The following PTRH1 variants were observed in gnomAD, a reference collection of about 807,000 sequenced individuals.
PTRH1 encodes the protein peptidyl-tRNA hydrolase.
In PTRH1, 13 loss-of-function variants were observed where a neutral mutation model predicts 15.7. That is an observed-to-expected ratio of 0.83 (90% CI 0.54 to 1.31). The LOEUF (loss-of-function observed/expected upper bound fraction) is 1.31. PTRH1 is among the 40% of genes most tolerant of loss of function. The probability of loss-of-function intolerance (pLI) is 0.00; values close to 1 mark genes in which losing one functional copy is unlikely to be tolerated. For missense variants in PTRH1, 319 were observed against 296.2 expected, an observed-to-expected ratio of 1.08 and a Z score of -0.56; for synonymous variants, 139 against 136.7, an observed-to-expected ratio of 1.02 and a Z score of -0.12.
intron 1 of PTRH1, chr9:127,707,254 C>CTGGGG (rs1461159833): frequency 6.4e-7 from 1 of 1,572,626 alleles, no homozygotes; most frequent in African/African-American, 1.4e-5. Context: ...CCAGGTGGCC[C>CTGGGG]CCATGCAGGT....
chr9:127,711,558 C>T, downstream of PTRH1: 1 of 1,568,492 alleles, frequency 6.4e-7, no homozygotes. Context: ...GCCCTGGGGG[C>T]CCTGCAGGGG....
intron 1 of PTRH1, among the ~76,000 whole-genome samples, chr9:127,708,663 T>C (rs758837652): frequency 1.3e-5 from 2 of 152,166 alleles, no homozygotes; most frequent in African/African-American, 4.8e-5. Context: ...ACAGAGTTAT[T>C]GGGTGCTTAC....
downstream of PTRH1, chr9:127,709,446 G>A (rs376888376): frequency 1.4e-4 from 219 of 1,613,748 alleles, 1 homozygote; most frequent in African/African-American, 2.7e-3. This position sits in a 1 kb window ranked among gnomAD's most constrained non-coding sequence, Gnocchi z 4.7. Context: ...GGGATGAGCT[G>A]GCTGTGCAGG....
In PTRH1 at chr9:127,715,268, C is replaced by A; in HGVS notation, c.97-74G>T. On this transcript the variant is annotated intron_variant, in intron 1 of 4. Coordinates refer to ENST00000543175, the MANE Select transcript of PTRH1 (RefSeq NM_001002913.3). This position sits in a 1 kb window ranked among gnomAD's most constrained non-coding sequence, Gnocchi z 5.8. The stretch of plus-strand genomic sequence containing the variant: ...CGATCTCACAGCGTCCCGTGGGCCC[C>A]AACGCAGAGGAGCGGAAACGCAGAG... 4 of 1,470,780 alleles carry A rather than the reference C, an allele frequency of 2.7e-6. No individual in the cohort carries two copies. In the South Asian group the frequency reaches 4.8e-5, roughly 18 times the overall value. 91.1% of individuals were successfully genotyped at this position (1,470,780 alleles called of 1,614,324 possible). A position where few individuals can be genotyped will look rare whatever the true frequency, so the allele number is the denominator to read the frequency against.
intron 1 of PTRH1, among the ~76,000 whole-genome samples, chr9:127,704,170 C>T (rs1266234877): frequency 6.6e-6 from 1 of 152,114 alleles, no homozygotes; most frequent in Non-Finnish European, 1.5e-5. Flanking sequence ...CACACCAATT[C>T]TCTGATACCA....
In PTRH1 at chr9:127,714,157, G is replaced by A. The variant is rs144597665; in HGVS notation, c.588C>T (p.Thr196=). 2.6e-5 allele frequency: 42 copies of A among 1,613,720 alleles called. No homozygotes were observed. The highest frequency in any genetic ancestry group is 1.3e-4 in the African/African-American group (10 of 74,934). Residue 196 remains threonine (T), a synonymous_variant, in exon 5 of 5, where the codon ACC becomes ACT. Coordinates refer to ENST00000543175, the MANE Select transcript of PTRH1 (RefSeq NM_001002913.3). The part of the protein sequence containing the change: ...ELLPLLLDRA[T]DLILDHIRER... The stretch of plus-strand genomic sequence containing the variant: ...CACGGATGTGGTCCAAGATCAGGTC[G>A]GTGGCTCGATCCAGCAACAGAGGCA...
In PTRH1 at chr9:127,715,316, C is replaced by A; in HGVS notation, c.97-122G>T. ...GAGCAACGCTGCAGTGGGGAAGGGGCGCGAAGAAGGGGCCCAGAAACCCGA... is the reference window on the plus strand; with the variant it reads ...GAGCAACGCTGCAGTGGGGAAGGGGAGCGAAGAAGGGGCCCAGAAACCCGA... On this transcript the variant is annotated intron_variant, in intron 1 of 4. Coordinates refer to ENST00000543175, the MANE Select transcript of PTRH1 (RefSeq NM_001002913.3). The surrounding 1 kb of genome is among the most constrained non-coding windows in gnomAD (Gnocchi z 5.8). 1 of 1,310,062 alleles carries A rather than the reference C, an allele frequency of 7.6e-7. No homozygotes were observed. Among genetic ancestry groups the A allele is most frequent in the South Asian group, 1.3e-5 (1 of 79,414 alleles). 81.2% of individuals were successfully genotyped at this position (1,310,062 alleles called of 1,614,324 possible).
At chr9:127,698,905 C>CTT (rs143136665) in intron 1 of PTRH1, among the ~76,000 whole-genome samples, 58 of 136,842 alleles carry the variant, frequency 4.2e-4, no homozygotes, top group Admixed American at 1.6e-3. Context: ...ACAAGACCAA[C>CTT]TTTTTTTTTT....
chr9:127,697,824 G>A (rs1038918042), intron 1 of PTRH1, among the ~76,000 whole-genome samples: 5 of 152,256 alleles, frequency 3.3e-5, no homozygotes, highest in Admixed American at 3.3e-4. Flanking sequence ...CTCCTGGAGG[G>A]AGCGCTGCCT....
rs561558192 is a variant in PTRH1, at chr9:127,706,596, C to T, written c.205+8839G>A. On this transcript the variant is annotated intron_variant, in intron 1 of 2. Coordinates refer to the PTRH1 transcript ENST00000335223. ...GCCAGCCAGGGCCCCATCAGCTGGACGCCCCAATGCACCCATGCCAGGACA... is the reference window on the plus strand; with the variant it reads ...GCCAGCCAGGGCCCCATCAGCTGGATGCCCCAATGCACCCATGCCAGGACA... Among the ~76,000 whole-genome samples the T allele has an allele frequency of 4.6e-5, 7 of 152,288 alleles. No homozygotes were observed. The South Asian group carries it at 6.2e-4, about 14-fold the overall frequency.
chr9:127,710,291 A>C (rs529503398), downstream of PTRH1, among the ~76,000 whole-genome samples: 6 of 151,858 alleles, frequency 4.0e-5, no homozygotes, highest in East Asian at 1.2e-3. Flanking sequence ...TCAAAAAAAA[A>C]AAAAAAAACA....
intron 1 of PTRH1, chr9:127,707,259 G>A: frequency 6.4e-7 from 1 of 1,563,246 alleles, no homozygotes; most frequent in Non-Finnish European, 8.7e-7. Context: ...TGGCCCCCAT[G>A]CAGGTTTGGC....
Position 127,713,956 on chromosome 9 carries a change from A to AC in PTRH1, c.*143dup. ...GAAATGGACTGGTCCAGTCACAGTCACCCCCACTTTAATCCGCAGGCAGCC... is the reference window on the plus strand; with the variant it reads ...GAAATGGACTGGTCCAGTCACAGTCACCCCCCACTTTAATCCGCAGGCAGCC... On this transcript the variant is annotated 3_prime_UTR_variant, in exon 5 of 5. Transcript: ENST00000543175. 2 of 1,588,642 alleles carry AC rather than the reference A, an allele frequency of 1.3e-6. No homozygotes were observed. The highest frequency in any genetic ancestry group is 1.7e-6 in the Non-Finnish European group (2 of 1,157,220).
chr9:127,713,984 G>T lies in PTRH1; in HGVS notation c.*116C>A. 2.5e-6 allele frequency: 4 copies of T among 1,577,176 alleles called. No homozygotes were observed. The highest frequency in any genetic ancestry group is 1.1e-5 in the South Asian group (1 of 90,166). ...CCCACTTTAATCCGCAGGCAGCCTGGAACAGTCTAGAGGAGATTTGTATAA... is the reference window on the plus strand; with the variant it reads ...CCCACTTTAATCCGCAGGCAGCCTGTAACAGTCTAGAGGAGATTTGTATAA... On this transcript the variant is annotated 3_prime_UTR_variant, in exon 5 of 5. Transcript: ENST00000543175.
chr9:127,714,937 C>CCCCA, intron 2 of PTRH1, 38 bp downstream of exon 2: 1 of 636,922 alleles, frequency 1.6e-6, no homozygotes, highest in Non-Finnish European at 2.7e-6. Flanking sequence ...CCCCCACCCC[C>CCCCA]TTGGCCCGCC....
chr9:127,711,704 T>C, downstream of PTRH1: 1 of 1,264,636 alleles, frequency 7.9e-7, no homozygotes, highest in Non-Finnish European at 1.1e-6. Context: ...GGAAGCAGAG[T>C]CCAGCCCTGG....
chr9:127,711,990 C>CT, downstream of PTRH1: 2 of 1,578,718 alleles, frequency 1.3e-6, no homozygotes, highest in South Asian at 2.3e-5. Flanking sequence ...CGGGTGCAGG[C>CT]TGGGGCCAAG....
intron 1 of PTRH1, among the ~76,000 whole-genome samples, chr9:127,698,234 A>T (rs1842577637): frequency 6.6e-6 from 1 of 152,194 alleles, no homozygotes; most frequent in Non-Finnish European, 1.5e-5. Flanking sequence ...GAATCTATTT[A>T]AAAATAAATG....
At chr9:127,711,498 T>C, downstream of PTRH1, 3 of 1,612,372 alleles carry the variant, frequency 1.9e-6, no homozygotes, top group Non-Finnish European at 2.5e-6. Context: ...CACCAGAAGG[T>C]GTGCCTGCAG....
Sources: gnomAD v4.1 joint callset for allele counts (sites outside exome capture counted in the v4.1 genomes callset) on GRCh38, gnomAD v4.1.1 for gene constraint, Gnocchi (gnomAD v3.1) non-coding constraint, MANE v1.5 for transcripts, NCBI Gene and HGNC (gene_info 2026-07-23, HGNC 2026-07-21) for gene names.